Variants in PTER observed in about 807,000 individuals in gnomAD.
PTER encodes phosphotriesterase related, also known as N-acetyltaurine hydrolase.
PTER carries 38 observed loss-of-function variants against 29.6 expected under a neutral mutation model. The ratio of observed to expected loss-of-function variants is 1.28; its 90% CI spans 0.99 to 1.68. The LOEUF is 1.68. Ranked by LOEUF, PTER falls within the 40% of genes most tolerant of loss-of-function variation. The probability of loss-of-function intolerance (pLI) is 0.00; values close to 1 mark genes in which losing one functional copy is unlikely to be tolerated. For synonymous variants in PTER, 172 were observed against 154.5 expected, an observed-to-expected ratio of 1.11 and a Z score of -0.84; for missense variants, 482 against 427.8, an observed-to-expected ratio of 1.13 and a Z score of -1.12.
At chr10:16,457,810 A>C (rs967408258) in intron 1 of PTER, among the ~76,000 whole-genome samples, 5 of 151,408 alleles carry the variant, frequency 3.3e-5, no homozygotes, top group African/African-American at 9.7e-5. Context: ...GGATTTCACC[A>C]TGTTGGCCGC....
At chr10:16,499,427 A>G (rs893712412) in intron 3 of PTER, among the ~76,000 whole-genome samples, 5 of 148,162 alleles carry the variant, frequency 3.4e-5, no homozygotes, top group African/African-American at 1.3e-4. Context: ...TAATTTAATT[A>G]TTTTATTTAT....
At chr10:16,468,904 G>T (rs999378967) in intron 1 of PTER, among the ~76,000 whole-genome samples, 114 of 152,122 alleles carry the variant, frequency 7.5e-4, no homozygotes, top group African/African-American at 2.5e-3. Flanking sequence ...GAGCCCAGGA[G>T]TTTGAGGCTG....
intron 4 of PTER, among the ~76,000 whole-genome samples, chr10:16,510,800 A>G (rs934127607): frequency 1.3e-5 from 2 of 152,210 alleles, no homozygotes; most frequent in African/African-American, 4.8e-5. Context: ...ATTGCCAGGC[A>G]TGGTCATAAA....
At chr10:16,518,039 C>T (rs1298432594), downstream of PTER, among the ~76,000 whole-genome samples, 2 of 152,118 alleles carry the variant, frequency 1.3e-5, no homozygotes, top group African/African-American at 4.8e-5. Flanking sequence ...TCCACTTAAT[C>T]CATAGAACAT....
intron 3 of PTER, among the ~76,000 whole-genome samples, chr10:16,489,606 A>T (rs980229217): frequency 6.6e-5 from 10 of 151,744 alleles, no homozygotes; most frequent in African/African-American, 2.2e-4. Flanking sequence ...GGCACTACTT[A>T]CGTGGGACAC....
chr10:16,505,224 G>T, intron 4 of PTER, 64 bp downstream of exon 4: 1 of 1,569,342 alleles, frequency 6.4e-7, no homozygotes. Flanking sequence ...GTCATATCTA[G>T]GGAAGTATTA....
chr10:16,490,939 T>C (rs942145860), intron 3 of PTER, among the ~76,000 whole-genome samples: 17 of 152,102 alleles, frequency 1.1e-4, no homozygotes, highest in Non-Finnish European at 8.8e-5. Flanking sequence ...CCTAGTGATA[T>C]ACATATATGT....
chr10:16,445,437 T>C (rs1833983136), intron 1 of PTER, among the ~76,000 whole-genome samples: 1 of 152,142 alleles, frequency 6.6e-6, no homozygotes, highest in Non-Finnish European at 1.5e-5. Context: ...AGAAAATTAT[T>C]ATTGAAACCC....
intron 3 of PTER, among the ~76,000 whole-genome samples, chr10:16,492,480 C>T (rs1004855842): frequency 6.6e-6 from 1 of 152,158 alleles, no homozygotes; most frequent in African/African-American, 2.4e-5. Context: ...AACAACACCC[C>T]ACATATATCC....
At position 16,485,873 on chromosome 10, in the gene PTER, C is replaced by G. The variant is rs1026212044; in HGVS notation, c.433-479C>G. The stretch of plus-strand genomic sequence containing the variant: ...ACATGGGAGCCTGAAATGGGAGGTT[C>G]ACTTGATCTCAGGAGTTCCAAGTCC... On this transcript the variant is annotated intron_variant, in intron 2 of 4. Coordinates refer to ENST00000535784, the MANE Select transcript of PTER (RefSeq NM_001261836.2). Among the ~76,000 whole-genome samples, 5 of 152,164 alleles carry G rather than the reference C, an allele frequency of 3.3e-5. No individual in the cohort carries two copies. The East Asian group carries it at 7.7e-4, about 24-fold the overall frequency.
chr10:16,504,919 T>C, intron 3 of PTER, 101 bp from the exon 4 acceptor site: 1 of 1,353,360 alleles, frequency 7.4e-7, no homozygotes, highest in South Asian at 1.5e-5. Context: ...CGACTTCAAC[T>C]ATGTTCTTGT....
chr10:16,449,454 C>T (rs1450900561), intron 1 of PTER, among the ~76,000 whole-genome samples: 17 of 92,172 alleles, frequency 1.8e-4, no homozygotes, highest in South Asian at 1.2e-3. Context: ...TTTTTTGAGA[C>T]GGAGTCTCAC....
intron 3 of PTER, among the ~76,000 whole-genome samples, chr10:16,491,482 G>A (rs1447190262): frequency 1.3e-5 from 2 of 152,096 alleles, no homozygotes; most frequent in African/African-American, 4.8e-5. Context: ...GTACTGAAAG[G>A]CCAAGGACTT....
At chr10:16,488,920 T>C (rs1835798884) in intron 3 of PTER, among the ~76,000 whole-genome samples, 1 of 152,218 alleles carries the variant, frequency 6.6e-6, no homozygotes, top group Admixed American at 6.5e-5. Context: ...TTCTTTTAAT[T>C]GCGTGCTTGG....
chr10:16,502,919 G>A lies in PTER; in HGVS notation c.699-2101G>A, dbSNP rs1161463029. ...CAAGAGAATCACTTGAACCCGAGAG[G>A]TGGAGGTTGCATTGAGCCGAGATCA... On this transcript the variant is annotated intron_variant, in intron 3 of 4. Transcript: ENST00000535784. 2.0e-5 allele frequency among the ~76,000 whole-genome samples: 3 copies of A among 149,106 alleles called. No homozygotes were observed. The East Asian group carries it at 6.0e-4, about 30-fold the overall frequency.
chr10:16,472,696 G>A (rs531533192), intron 1 of PTER, among the ~76,000 whole-genome samples: 5 of 152,266 alleles, frequency 3.3e-5, no homozygotes, highest in African/African-American at 1.2e-4. Flanking sequence ...GGGTTTATCT[G>A]AGGATAATAA....
At chr10:16,473,414 T>C (rs1835126862) in intron 1 of PTER, among the ~76,000 whole-genome samples, 2 of 148,992 alleles carry the variant, frequency 1.3e-5, no homozygotes, top group Admixed American at 6.9e-5. Context: ...GAACTCACTA[T>C]TAAAAATTAG....
At chr10:16,504,234 T>C (rs1836474243) in intron 3 of PTER, among the ~76,000 whole-genome samples, 1 of 152,194 alleles carries the variant, frequency 6.6e-6, no homozygotes, top group African/African-American at 2.4e-5. Flanking sequence ...AATTTCTTGA[T>C]ATAATCTACT....
At chr10:16,495,775 A>C (rs1836071813) in intron 3 of PTER, among the ~76,000 whole-genome samples, 1 of 152,184 alleles carries the variant, frequency 6.6e-6, no homozygotes, top group African/African-American at 2.4e-5. Context: ...AGCTCAGCAC[A>C]ATGGAAAGGG....
Sources: gnomAD v4.1 joint callset for allele counts (sites outside exome capture counted in the v4.1 genomes callset) on GRCh38, gnomAD v4.1.1 for gene constraint, MANE v1.5 for transcripts, NCBI Gene and HGNC (gene_info 2026-07-23, HGNC 2026-07-21) for gene names.